The following MCUB variants were observed in gnomAD, a reference collection of about 807,000 sequenced individuals.
MCUB encodes calcium uniporter regulatory subunit MCUb, mitochondrial.
MCUB carries 46 observed loss-of-function variants against 41.4 expected under a neutral mutation model. That is an observed-to-expected ratio of 1.11 (90% CI 0.88 to 1.42). The LOEUF (loss-of-function observed/expected upper bound fraction) is 1.42, where lower values mean the gene tolerates loss of function less well. Among genes scored for constraint, MCUB ranks in the 40% most tolerant of loss-of-function variants. The pLI is 0.00. For missense variants in MCUB, 403 were observed against 404.9 expected (o/e 1.00, Z 0.04); for synonymous variants, 148 against 148.2 (o/e 1.00, Z 0.01).
At chr4:109,566,442 C>T (rs1330478540) in intron 1 of MCUB, among the ~76,000 whole-genome samples, 1 of 149,814 alleles carries the variant, frequency 6.7e-6, no homozygotes, top group Non-Finnish European at 1.5e-5. Context: ...TGCACTCTAG[C>T]CTAGGCAACA....
chr4:109,653,901 G>A (rs1579085107), intron 1 of MCUB, among the ~76,000 whole-genome samples: 1 of 152,114 alleles, frequency 6.6e-6, no homozygotes, highest in Non-Finnish European at 1.5e-5. Flanking sequence ...CATGTACATA[G>A]ACCTTTTTTG....
At chr4:109,639,455 C>T (rs1182305066) in intron 1 of MCUB, among the ~76,000 whole-genome samples, 3 of 151,834 alleles carry the variant, frequency 2.0e-5, no homozygotes, top group Admixed American at 6.6e-5. Flanking sequence ...TTTGGGAGGC[C>T]GAGACGGGTG....
At chr4:109,637,817 A>G (rs112621782) in intron 1 of MCUB, among the ~76,000 whole-genome samples, 53 of 152,350 alleles carry the variant, frequency 3.5e-4, no homozygotes, top group Middle Eastern at 3.4e-3. Flanking sequence ...TAATGAATGC[A>G]CCAAAATTTC....
chr4:109,598,583 G>A (rs2079130), intron 1 of MCUB, among the ~76,000 whole-genome samples: 35,542 of 139,040 alleles, frequency 0.26, 4,408 homozygotes, highest in Non-Finnish European at 0.3. Context: ...GAGGGAGACC[G>A]TGGAAACAGA....
In MCUB at chr4:109,672,558, T is replaced by C. The variant is rs552719463; in HGVS notation, c.451+8164T>C. On this transcript the variant is annotated intron_variant, in intron 4 of 7. Coordinates refer to ENST00000394650, the MANE Select transcript of MCUB (RefSeq NM_017918.5). ...ATTCATAAGTCTATGCCTTAATAAA[T>C]TGGTGATAAAAGAAATAGATCAACA... 3.9e-5 allele frequency among the ~76,000 whole-genome samples: 6 copies of C among 152,326 alleles called. No individual in the cohort carries two copies. In the South Asian group the frequency reaches 1.2e-3, roughly 32 times the overall value.
At chr4:109,606,061 A>G (rs1212682485) in intron 1 of MCUB, among the ~76,000 whole-genome samples, 1 of 151,850 alleles carries the variant, frequency 6.6e-6, no homozygotes, top group Non-Finnish European at 1.5e-5. Flanking sequence ...TGCAAGCTCC[A>G]CCTCCTGGGT....
At chr4:109,594,438 G>A (rs1727507964) in intron 1 of MCUB, among the ~76,000 whole-genome samples, 1 of 152,128 alleles carries the variant, frequency 6.6e-6, no homozygotes, top group African/African-American at 2.4e-5. Context: ...ACTAGACACT[G>A]GTATTAAAAA....
chr4:109,590,554 A>G (rs1727412630), intron 1 of MCUB, among the ~76,000 whole-genome samples: 1 of 152,236 alleles, frequency 6.6e-6, no homozygotes. Flanking sequence ...CAAGTCAAAT[A>G]GTTGTATAAA....
At chr4:109,659,216 G>T in intron 2 of MCUB, 130 bp downstream of exon 2, 1 of 622,008 alleles carries the variant, frequency 1.6e-6, no homozygotes, top group South Asian at 2.0e-5. Flanking sequence ...CCCTGATTGG[G>T]TTCACTTCCA....
chr4:109,686,952 G>C (rs931735875), intron 7 of MCUB, among the ~76,000 whole-genome samples: 1 of 150,528 alleles, frequency 6.6e-6, no homozygotes, highest in Admixed American at 6.6e-5. Flanking sequence ...AAGATAAAGT[G>C]GTAGGTTAAG....
At chr4:109,681,201 G>C (rs1316603230) in intron 4 of MCUB, among the ~76,000 whole-genome samples, 2 of 152,194 alleles carry the variant, frequency 1.3e-5, no homozygotes, top group East Asian at 3.8e-4. Context: ...AGGTGGCTCT[G>C]AACCTCAGCT....
chr4:109,685,287 C>A lies in MCUB; in HGVS notation c.853C>A (p.Leu285Ile). 1.3e-6 allele frequency: 2 copies of A among 1,566,424 alleles called. No homozygotes were observed. Among genetic ancestry groups the A allele is most frequent in the Non-Finnish European group, 1.8e-6 (2 of 1,138,202 alleles). The change falls in exon 7 of 8, where the codon CTT becomes ATT. Residue 285 changes from leucine (L) to isoleucine (I), a missense_variant. By Grantham distance (5) the Leu-to-Ile change is conservative. Transcript: ENST00000394650. The stretch of plus-strand genomic sequence containing the variant: ...CTCAGCTGTTAAGAGTAGGCAATTT[C>A]TTCAGTTCTTCCACAAGAAATCAAA... Reference protein sequence around the residue: ...TYSAVKSRQFLQFFHKKSKQQ... With the variant: ...TYSAVKSRQFIQFFHKKSKQQ...
intron 3 of MCUB, 66 bp from the exon 4 acceptor site, chr4:109,664,224 G>A (rs1729293299): frequency 1.3e-6 from 1 of 798,808 alleles, no homozygotes; most frequent in Non-Finnish European, 2.2e-6. Context: ...AATTTTCTAT[G>A]TGTTGGAAAA....
intron 1 of MCUB, among the ~76,000 whole-genome samples, chr4:109,595,224 C>T (rs1727526750): frequency 6.6e-6 from 1 of 152,086 alleles, no homozygotes; most frequent in African/African-American, 2.4e-5. Flanking sequence ...AGGCATGGAA[C>T]AGGGAGACGG....
intron 1 of MCUB, among the ~76,000 whole-genome samples, chr4:109,656,933 G>A (rs1729116758): frequency 6.6e-6 from 1 of 152,016 alleles, no homozygotes; most frequent in Non-Finnish European, 1.5e-5. Flanking sequence ...TAGAAATAAT[G>A]CTCAGGCCGG....
At chr4:109,671,109 A>G (rs560169969) in intron 4 of MCUB, among the ~76,000 whole-genome samples, 47 of 152,336 alleles carry the variant, frequency 3.1e-4, no homozygotes, top group Admixed American at 1.4e-3. Flanking sequence ...TGCATCTAAG[A>G]AAAGTTGTTG....
intron 1 of MCUB, among the ~76,000 whole-genome samples, chr4:109,637,134 G>C (rs1728612023): frequency 6.6e-6 from 1 of 152,198 alleles, no homozygotes; most frequent in Non-Finnish European, 1.5e-5. Flanking sequence ...AGCTTGAGCA[G>C]ACTTACCTGC....
chr4:109,572,012 G>A (rs1726926492), intron 1 of MCUB, among the ~76,000 whole-genome samples: 1 of 152,186 alleles, frequency 6.6e-6, no homozygotes, highest in Non-Finnish European at 1.5e-5. Flanking sequence ...CCAGAAACGG[G>A]GTAGTTTTGT....
intron 1 of MCUB, among the ~76,000 whole-genome samples, chr4:109,591,386 A>G (rs1727434443): frequency 6.6e-6 from 1 of 151,810 alleles, no homozygotes; most frequent in African/African-American, 2.4e-5. Flanking sequence ...GGGTTTCACC[A>G]TATTGGCCAG....
Sources: allele counts gnomAD v4.1 joint callset (sites outside exome capture counted in the v4.1 genomes callset), GRCh38; gene constraint gnomAD v4.1.1; transcripts MANE v1.5; gene names NCBI Gene and HGNC (gene_info 2026-07-23, HGNC 2026-07-21).